PAFAH1B1: variants seen among roughly 807,000 people sequenced by gnomAD.
The protein encoded by PAFAH1B1 is platelet activating factor acetylhydrolase 1b regulatory subunit 1.
Under a neutral mutation model 57.5 loss-of-function variants are expected in PAFAH1B1, and 2 were observed. The ratio of observed to expected loss-of-function variants is 0.03; its 90% CI spans 0.01 to 0.11. The LOEUF (loss-of-function observed/expected upper bound fraction) is 0.11. PAFAH1B1 is among the 10% of genes least tolerant of loss of function. The pLI is 1.00. For synonymous variants in PAFAH1B1, 152 were observed against 169.6 expected (o/e 0.90, Z 0.81); for missense variants, 257 against 512.0 (o/e 0.50, Z 4.81).
At chr17:2,596,374 A>AT (rs1247205971) in intron 1 of PAFAH1B1, among the ~76,000 whole-genome samples, 1 of 152,196 alleles carries the variant, frequency 6.6e-6, no homozygotes, top group African/African-American at 2.4e-5. Flanking sequence ...TCTATTTGAG[A>AT]TTTTAAAATA....
intron 7 of PAFAH1B1, chr17:2,673,809 C>A: frequency 2.2e-6 from 1 of 459,910 alleles, no homozygotes; most frequent in South Asian, 2.5e-5. Flanking sequence ...TTTAAGTGTG[C>A]ATTTAGTTTT....
In PAFAH1B1 at chr17:2,683,676, AATAC is replaced by A. The variant is rs2069421009; in HGVS notation, c.*1880_*1883del. On this transcript the variant is annotated 3_prime_UTR_variant, in exon 11 of 11. Coordinates refer to ENST00000397195, the MANE Select transcript of PAFAH1B1 (RefSeq NM_000430.4). ...AATTACATCTTAAGCTAATTCCTTA[AATAC>A]ATACAGTAGGTGAATTTTCAGGACA... 1 of 152,744 alleles carries A rather than the reference AATAC, an allele frequency of 6.5e-6. No homozygotes were observed. The highest frequency in any genetic ancestry group is 1.9e-4 in the East Asian group (1 of 5,186). The allele number at this position is 152,744 out of a possible 1,614,324, so 9.5% of individuals were successfully genotyped here.
intron 2 of PAFAH1B1, among the ~76,000 whole-genome samples, chr17:2,653,244 G>A (rs2151647064): frequency 6.6e-6 from 1 of 152,184 alleles, no homozygotes; most frequent in Non-Finnish European, 1.5e-5. Context: ...CACAGGAAGG[G>A]GAACATCACA....
At chr17:2,637,775 T>G (rs1217921179) in intron 1 of PAFAH1B1, among the ~76,000 whole-genome samples, 1 of 152,212 alleles carries the variant, frequency 6.6e-6, no homozygotes, top group Non-Finnish European at 1.5e-5. Context: ...TTACTTTTTG[T>G]CTCTAAGAGA....
chr17:2,643,918 G>T (rs1268778928), intron 2 of PAFAH1B1, among the ~76,000 whole-genome samples: 3 of 152,124 alleles, frequency 2.0e-5, no homozygotes, highest in African/African-American at 7.2e-5. Context: ...GCCCAGGCTG[G>T]AGTACAGTGG....
chr17:2,671,601 T>C (rs2069184328), intron 6 of PAFAH1B1, among the ~76,000 whole-genome samples: 1 of 144,714 alleles, frequency 6.9e-6, no homozygotes, highest in Non-Finnish European at 1.5e-5. Flanking sequence ...ACCACCTTTT[T>C]TTTTTTTTTT....
At chr17:2,648,757 T>TA (rs2068808096) in intron 2 of PAFAH1B1, among the ~76,000 whole-genome samples, 1 of 135,666 alleles carries the variant, frequency 7.4e-6, no homozygotes, top group African/African-American at 2.7e-5. Flanking sequence ...CCATTCCTGA[T>TA]GGTTAAAAAA....
At chr17:2,654,885 G>C (rs946848009) in intron 2 of PAFAH1B1, among the ~76,000 whole-genome samples, 21 of 151,424 alleles carry the variant, frequency 1.4e-4, no homozygotes, top group Admixed American at 7.2e-4. Context: ...CAAGCAGTCT[G>C]CCTGCCTCAG....
intron 2 of PAFAH1B1, 24 bp downstream of exon 2, chr17:2,638,344 TA>T (rs752731040): frequency 1.9e-5 from 31 of 1,603,700 alleles, no homozygotes; most frequent in Admixed American, 1.7e-5. Context: ...TTTTGTGCTT[TA>T]AAAAAAATCT....
At chr17:2,596,083 C>CT (rs1205319302) in intron 1 of PAFAH1B1, among the ~76,000 whole-genome samples, 1 of 152,010 alleles carries the variant, frequency 6.6e-6, no homozygotes, top group East Asian at 1.9e-4. Context: ...TGTTTTCCAC[C>CT]TTTTTTGCAT....
At chr17:2,666,243 C>G (rs539347565) in intron 4 of PAFAH1B1, among the ~76,000 whole-genome samples, 153 bp downstream of exon 4, 19 of 152,142 alleles carry the variant, frequency 1.2e-4, no homozygotes, top group African/African-American at 4.6e-4. Flanking sequence ...ATGACCTAGG[C>G]ATATTATTGC....
In PAFAH1B1 at chr17:2,680,211, G is replaced by T; in HGVS notation, c.1050G>T (p.Gly350=). Reference sequence around the variant, plus strand: ...GTGGAGTTCTGTTCCATTCTGGGGGGAAGTTTATTTTGAGTTGTGCTGATG... The same window carrying T: ...GTGGAGTTCTGTTCCATTCTGGGGGTAAGTTTATTTTGAGTTGTGCTGATG... The part of the protein sequence containing the change: ...WVRGVLFHSG[G]KFILSCADDK... The change falls in exon 10 of 11, where the codon GGG becomes GGT. Residue 350 remains glycine, a synonymous_variant. Coordinates refer to ENST00000397195, the MANE Select transcript of PAFAH1B1 (RefSeq NM_000430.4). The T allele has an allele frequency of 6.2e-7, 1 of 1,614,108 alleles. No homozygotes were observed. The highest frequency in any genetic ancestry group is 8.5e-7 in the Non-Finnish European group (1 of 1,179,994).
At chr17:2,632,188 C>T (rs571730546) in intron 1 of PAFAH1B1, among the ~76,000 whole-genome samples, 5 of 152,194 alleles carry the variant, frequency 3.3e-5, no homozygotes, top group Non-Finnish European at 7.3e-5. Flanking sequence ...CTTGGCCTCC[C>T]GAAGTCTTGG....
chr17:2,644,134 C>T (rs2068735754), intron 2 of PAFAH1B1, among the ~76,000 whole-genome samples: 2 of 150,242 alleles, frequency 1.3e-5, no homozygotes, highest in Admixed American at 1.3e-4. Flanking sequence ...GCTGGGATTA[C>T]AGGCTCAAGC....
At chr17:2,662,378 TTGTGTGTGTGTGTG>T (rs57918293) in intron 2 of PAFAH1B1, among the ~76,000 whole-genome samples, 2,324 of 123,754 alleles carry the variant, frequency 0.019, 79 homozygotes, top group African/African-American at 0.067. Context: ...TTTAACCTCT[TTGTGTGTGTGTGTG>T]TGTGTGTGTG....
chr17:2,617,321 C>T (rs112089997), intron 1 of PAFAH1B1, among the ~76,000 whole-genome samples: 3,563 of 152,094 alleles, frequency 0.023, 141 homozygotes, highest in African/African-American at 0.082. Context: ...CAAGGCTAAT[C>T]GTAAAATAGG....
At chr17:2,639,431 T>C (rs980158720) in intron 2 of PAFAH1B1, 5 of 152,192 alleles carry the variant, frequency 3.3e-5, no homozygotes, top group African/African-American at 7.2e-5. Context: ...TTAATGCAGA[T>C]GCTTTAATGA....
At chr17:2,664,696 CTCTCT>C (rs2069079517) in intron 2 of PAFAH1B1, among the ~76,000 whole-genome samples, 2 of 145,488 alleles carry the variant, frequency 1.4e-5, no homozygotes, top group South Asian at 2.2e-4. Flanking sequence ...CTCTCTCTTT[CTCTCT>C]CCATCTATAA....
intron 1 of PAFAH1B1, among the ~76,000 whole-genome samples, chr17:2,605,288 G>A (rs1314372810): frequency 6.6e-6 from 1 of 152,136 alleles, no homozygotes; most frequent in African/African-American, 2.4e-5. Flanking sequence ...TGAGAAACGA[G>A]GTGTTATTAG....
Sources: allele counts gnomAD v4.1 joint callset (sites outside exome capture counted in the v4.1 genomes callset), GRCh38; gene constraint gnomAD v4.1.1; transcripts MANE v1.5; gene names NCBI Gene and HGNC (gene_info 2026-07-23, HGNC 2026-07-21).